Variants in AGPAT4 observed in about 807,000 individuals in gnomAD.
AGPAT4 encodes 1-acyl-sn-glycerol-3-phosphate acyltransferase delta.
AGPAT4 carries 15 observed loss-of-function variants against 48.0 expected under a neutral mutation model. That is an observed-to-expected ratio of 0.31 (90% CI 0.21 to 0.48). AGPAT4 has a LOEUF of 0.48. Among genes scored for constraint, AGPAT4 ranks in the 20% least tolerant of loss-of-function variants. The pLI is 0.99. For synonymous variants in AGPAT4, 178 were observed against 198.7 expected (o/e 0.90, Z 0.88); for missense variants, 314 against 482.5 (o/e 0.65, Z 3.27).
chr6:161,256,828 T>G (rs1782957059), intron 1 of AGPAT4, among the ~76,000 whole-genome samples: 1 of 152,260 alleles, frequency 6.6e-6, no homozygotes, highest in Non-Finnish European at 1.5e-5. Flanking sequence ...GAAATTTTCA[T>G]GCATTCTGCC....
rs905062994 is a variant in AGPAT4 at position 161,240,083 on chromosome 6, A to C, written c.-89-7781T>G. Among the ~76,000 whole-genome samples, 14 of 152,314 alleles carry C rather than the reference A, an allele frequency of 9.2e-5. No homozygotes were observed. The Middle Eastern group carries it at 0.017, about 185-fold the overall frequency. ...TGAAGTGTCACTAAAATAGGTTTGC[A>C]GTAAAATGGATACATTTTCATTATG... On this transcript the variant is annotated intron_variant, in intron 1 of 8. Transcript: ENST00000320285. This position sits in a 1 kb window ranked among gnomAD's most constrained non-coding sequence, Gnocchi z 5.5.
At chr6:161,209,172 T>G (rs1213615316) in intron 2 of AGPAT4, among the ~76,000 whole-genome samples, 1 of 152,052 alleles carries the variant, frequency 6.6e-6, no homozygotes, top group Non-Finnish European at 1.5e-5. Flanking sequence ...TGACATGAGT[T>G]CCCCCACTCC....
chr6:161,212,785 T>G lies in AGPAT4; in HGVS notation c.178+19251A>C, dbSNP rs2115019706. Among the ~76,000 whole-genome samples the G allele has an allele frequency of 6.6e-6, 1 of 152,290 alleles. No individual in the cohort carries two copies. The highest frequency in any genetic ancestry group is 1.5e-5 in the Non-Finnish European group (1 of 68,020). ...TGTTTTGGTCCTCCTTAGAAGGTGGTTTTATAATCAGCTATAGAACTCTAA... is the reference window on the plus strand; with the variant it reads ...TGTTTTGGTCCTCCTTAGAAGGTGGGTTTATAATCAGCTATAGAACTCTAA... On this transcript the variant is annotated intron_variant, in intron 2 of 8. Coordinates refer to ENST00000320285, the MANE Select transcript of AGPAT4 (RefSeq NM_020133.3). The surrounding 1 kb of genome is among the most constrained non-coding windows in gnomAD (Gnocchi z 6.1).
rs1470610273 is a variant in AGPAT4 at position 161,240,004 on chromosome 6, C to T, written c.-89-7702G>A. Among the ~76,000 whole-genome samples, 2 of 152,012 alleles carry T rather than the reference C, an allele frequency of 1.3e-5. No individual in the cohort carries two copies. ...CAAAAATTAGAAACAATTTGTATTT[C>T]TGACATAAGGAAACAAAAAACTGAA... is the stretch of plus-strand genomic sequence containing the variant. On this transcript the variant is annotated intron_variant, in intron 1 of 8. Coordinates refer to ENST00000320285, the MANE Select transcript of AGPAT4 (RefSeq NM_020133.3). The surrounding 1 kb of genome is among the most constrained non-coding windows in gnomAD (Gnocchi z 5.5).
intron 2 of AGPAT4, among the ~76,000 whole-genome samples, chr6:161,205,737 C>CAATAATAAT (rs761976412): frequency 4.0e-4 from 58 of 145,634 alleles, no homozygotes; most frequent in African/African-American, 1.0e-3. Context: ...GTTGAAATTA[C>CAATAATAAT]AATAATAATA....
Position 161,161,471 on chromosome 6 carries a change from A to C in AGPAT4, c.348+4777T>G, listed in dbSNP as rs992569179. Reference sequence around the variant, plus strand: ...GAGGGTGGCGTCCCAGCCCATTCCTAGTGCAAGGTCTGTGCCTGCAGAGCT... The same window carrying C: ...GAGGGTGGCGTCCCAGCCCATTCCTCGTGCAAGGTCTGTGCCTGCAGAGCT... On this transcript the variant is annotated intron_variant, in intron 3 of 8. Coordinates refer to ENST00000320285, the MANE Select transcript of AGPAT4 (RefSeq NM_020133.3). The surrounding 1 kb of genome is among the most constrained non-coding windows in gnomAD (Gnocchi z 4.6). The C allele has an allele frequency of 2.8e-5, 13 of 456,580 alleles. No individual in the cohort carries two copies. The highest frequency in any genetic ancestry group is 4.0e-5 in the Non-Finnish European group (9 of 226,984). 28.3% of individuals were successfully genotyped at this position (456,580 alleles called of 1,614,324 possible).
rs1371868109 is a variant in AGPAT4, at chr6:161,225,035, CTACCTGCTCCACCCTGACTCATTCCGAT to C, written c.178+6973_178+7000del. ...CGTGCTTCACCCTGACTCCTTCCAACTACCTGCTCCACCCTGACTCATTCCGATTACCTGCTTCACCCTGACTCATTCG... is the reference window on the plus strand; with the variant it reads ...CGTGCTTCACCCTGACTCCTTCCAACTACCTGCTTCACCCTGACTCATTCG... On this transcript the variant is annotated intron_variant, in intron 2 of 8. Coordinates refer to ENST00000320285, the MANE Select transcript of AGPAT4 (RefSeq NM_020133.3). This position sits in a 1 kb window ranked among gnomAD's most constrained non-coding sequence, Gnocchi z 5.0. Among the ~76,000 whole-genome samples, 12 of 151,630 alleles carry C rather than the reference CTACCTGCTCCACCCTGACTCATTCCGAT, an allele frequency of 7.9e-5. No individual in the cohort carries two copies. The East Asian group carries it at 2.1e-3, about 27-fold the overall frequency.
At position 161,201,304 on chromosome 6, in the gene AGPAT4, A is replaced by G. The variant is rs559746813; in HGVS notation, c.178+30732T>C. ...CTCTGGGACTGGATTAATGAGCTCT[A>G]CAGTCCCAAGAGAGAGGTTAAAGTA... On this transcript the variant is annotated intron_variant, in intron 2 of 8. Transcript: ENST00000320285. This position sits in a 1 kb window ranked among gnomAD's most constrained non-coding sequence, Gnocchi z 6.0. 6.6e-6 allele frequency among the ~76,000 whole-genome samples: 1 copy of G among 152,334 alleles called. No individual in the cohort carries two copies. The highest frequency in any genetic ancestry group is 2.1e-4 in the South Asian group (1 of 4,832).
rs888025937 is a variant in AGPAT4 at position 161,178,587 on chromosome 6, G to A, written c.179-12170C>T. On this transcript the variant is annotated intron_variant, in intron 2 of 8. Transcript: ENST00000320285. This position sits in a 1 kb window ranked among gnomAD's most constrained non-coding sequence, Gnocchi z 5.1. ...CGGACCCCTGCACTTCCCGGGTGAG[G>A]CGATGCCCCACCCTGCTTCAGCTCA... Among the ~76,000 whole-genome samples, 2 of 152,128 alleles carry A rather than the reference G, an allele frequency of 1.3e-5. No homozygotes were observed. Among genetic ancestry groups the A allele is most frequent in the African/African-American group, 4.8e-5 (2 of 41,430 alleles).
rs1195327987 is a variant in AGPAT4 at position 161,138,240 on chromosome 6, T to TAATA, written c.1042+1178_1042+1181dup. Among the ~76,000 whole-genome samples the TAATA allele has an allele frequency of 6.6e-6, 1 of 152,246 alleles. No homozygotes were observed. The highest frequency in any genetic ancestry group is 1.5e-5 in the Non-Finnish European group (1 of 68,046). On this transcript the variant is annotated intron_variant, in intron 8 of 8. Coordinates refer to ENST00000320285, the MANE Select transcript of AGPAT4 (RefSeq NM_020133.3). The surrounding 1 kb of genome is among the most constrained non-coding windows in gnomAD (Gnocchi z 4.8). ...CCCTTACACGGTGTGGGTGTTGTTTTAATATTTTAATTTTTAACACTAAAA... is the reference window on the plus strand; with the variant it reads ...CCCTTACACGGTGTGGGTGTTGTTTTAATAAATATTTTAATTTTTAACACTAAAA...
intron 2 of AGPAT4, among the ~76,000 whole-genome samples, chr6:161,186,933 C>T (rs1053450261): frequency 2.0e-5 from 3 of 152,208 alleles, no homozygotes; most frequent in Non-Finnish European, 2.9e-5. Flanking sequence ...TGCCCCTCAC[C>T]TCCCTTAGGA....
rs1482949490 is a variant in AGPAT4 at position 161,154,991 on chromosome 6, C to T, written c.349-681G>A. 6.6e-6 allele frequency among the ~76,000 whole-genome samples: 1 copy of T among 152,322 alleles called. No individual in the cohort carries two copies. The highest frequency in any genetic ancestry group is 1.9e-4 in the East Asian group (1 of 5,184). Reference sequence around the variant, plus strand: ...AGCTGGTCCAAGCTGGGAGTAAAACCCAGACCAGGAGATGTGCTCGGTGCC... The same window carrying T: ...AGCTGGTCCAAGCTGGGAGTAAAACTCAGACCAGGAGATGTGCTCGGTGCC... On this transcript the variant is annotated intron_variant, in intron 3 of 8. Transcript: ENST00000320285. This position sits in a 1 kb window ranked among gnomAD's most constrained non-coding sequence, Gnocchi z 7.8.
chr6:161,224,150 C>T (rs1169741071), intron 2 of AGPAT4, among the ~76,000 whole-genome samples: 2 of 152,146 alleles, frequency 1.3e-5, no homozygotes, highest in African/African-American at 2.4e-5. Flanking sequence ...GACTTGCTAA[C>T]CTGATATGGT....
Position 161,219,731 on chromosome 6 carries a change from C to T in AGPAT4, c.178+12305G>A, listed in dbSNP as rs999340462. ...AAACTTGCTGATTCTTTAGGGCCAC[C>T]TGTTTGAAATTTAGAGTGACTAAAT... On this transcript the variant is annotated intron_variant, in intron 2 of 8. Coordinates refer to ENST00000320285, the MANE Select transcript of AGPAT4 (RefSeq NM_020133.3). The surrounding 1 kb of genome is among the most constrained non-coding windows in gnomAD (Gnocchi z 4.9). Among the ~76,000 whole-genome samples the T allele has an allele frequency of 6.6e-6, 1 of 152,076 alleles. No individual in the cohort carries two copies. Among genetic ancestry groups the T allele is most frequent in the Non-Finnish European group, 1.5e-5 (1 of 68,024 alleles).
chr6:161,149,464 C>G lies in AGPAT4; in HGVS notation c.665-175G>C, dbSNP rs967223381. 6.6e-6 allele frequency among the ~76,000 whole-genome samples: 1 copy of G among 152,140 alleles called. No homozygotes were observed. Among genetic ancestry groups the G allele is most frequent in the Non-Finnish European group, 1.5e-5 (1 of 68,022 alleles). ...ATGTTCTACACTGAATGTGTATTAT[C>G]TTTTGTAATCATAAAATCCCACTAG... On this transcript the variant is annotated intron_variant, in intron 5 of 8. Transcript: ENST00000320285. The surrounding 1 kb of genome is among the most constrained non-coding windows in gnomAD (Gnocchi z 6.5).
Position 161,154,058 on chromosome 6 carries a change from C to A in AGPAT4, c.510+91G>T. 1.3e-6 allele frequency: 2 copies of A among 1,536,836 alleles called. No individual in the cohort carries two copies. Among genetic ancestry groups the A allele is most frequent in the Non-Finnish European group, 1.8e-6 (2 of 1,117,242 alleles). On this transcript the variant is annotated intron_variant, in intron 4 of 8. Coordinates refer to ENST00000320285, the MANE Select transcript of AGPAT4 (RefSeq NM_020133.3). This position sits in a 1 kb window ranked among gnomAD's most constrained non-coding sequence, Gnocchi z 7.8. ...AGCCCTGGAGTCGCACAGGACCACA[C>A]AGTCACGTGTCCTGTGGAAGTCACA...
In AGPAT4 at chr6:161,226,710, T is replaced by C. The variant is rs540053716; in HGVS notation, c.178+5326A>G. The stretch of plus-strand genomic sequence containing the variant: ...TAGAATGAAAGCAGATGATAGCACA[T>C]TGATGTGGCCAGGATTCCCCACAGA... On this transcript the variant is annotated intron_variant, in intron 2 of 8. Transcript: ENST00000320285. This position sits in a 1 kb window ranked among gnomAD's most constrained non-coding sequence, Gnocchi z 6.3. Among the ~76,000 whole-genome samples the C allele has an allele frequency of 2.0e-5, 3 of 152,300 alleles. No homozygotes were observed. Among genetic ancestry groups the C allele is most frequent in the Admixed American group, 6.5e-5 (1 of 15,310 alleles).
Position 161,147,917 on chromosome 6 carries a change from T to G in AGPAT4, c.767+1270A>C, listed in dbSNP as rs1218206320. Among the ~76,000 whole-genome samples, 1 of 152,232 alleles carries G rather than the reference T, an allele frequency of 6.6e-6. No homozygotes were observed. Among genetic ancestry groups the G allele is most frequent in the Admixed American group, 6.5e-5 (1 of 15,282 alleles). On this transcript the variant is annotated intron_variant, in intron 6 of 8. Transcript: ENST00000320285. The surrounding 1 kb of genome is among the most constrained non-coding windows in gnomAD (Gnocchi z 4.8). ...AATGGGCAGCTACAACAAAAAGATG[T>G]GTGTTGAATAGCATCAATGCTAACC...
rs1483833889 is a variant in AGPAT4, at chr6:161,218,212, A to G, written c.178+13824T>C. On this transcript the variant is annotated intron_variant, in intron 2 of 8. Coordinates refer to ENST00000320285, the MANE Select transcript of AGPAT4 (RefSeq NM_020133.3). The surrounding 1 kb of genome is among the most constrained non-coding windows in gnomAD (Gnocchi z 4.7). ...GTGCTGTGCTGGAAAATGGTTAACAACCAGCTCTTGTGTGGCAGGGGAGGC... is the reference window on the plus strand; with the variant it reads ...GTGCTGTGCTGGAAAATGGTTAACAGCCAGCTCTTGTGTGGCAGGGGAGGC... Among the ~76,000 whole-genome samples the G allele has an allele frequency of 6.6e-6, 1 of 152,150 alleles. No homozygotes were observed. Among genetic ancestry groups the G allele is most frequent in the Non-Finnish European group, 1.5e-5 (1 of 68,022 alleles).
Sources: allele counts gnomAD v4.1 joint callset (sites outside exome capture counted in the v4.1 genomes callset), GRCh38; gene constraint gnomAD v4.1.1; non-coding constraint Gnocchi (gnomAD v3.1); transcripts MANE v1.5; gene names NCBI Gene and HGNC (gene_info 2026-07-23, HGNC 2026-07-21).